Variants in CFAP47 observed in about 807,000 individuals in gnomAD.
CFAP47 encodes the protein cilia and flagella associated protein 47, also known as cilia- and flagella-associated protein 47.
Under a neutral mutation model 148.1 loss-of-function variants are expected in CFAP47, and 29 were observed. The ratio of observed to expected loss-of-function variants is 0.20; its 90% CI spans 0.15 to 0.27. The LOEUF is 0.27. CFAP47 is among the 10% of genes least tolerant of loss of function. The pLI is 1.00. For missense variants in CFAP47, 1,872 were observed against 1,697.5 expected (o/e 1.10, Z -1.81); for synonymous variants, 664 against 577.3 (o/e 1.15, Z -2.15).
At chrX:36,065,957 T>C (rs1020033094) in intron 27 of CFAP47, among the ~76,000 whole-genome samples, 1 of 112,323 alleles carries the variant, frequency 8.9e-6, no homozygotes, top group Admixed American at 9.4e-5. Flanking sequence ...AAAGACAATA[T>C]AGCAGAAACA....
intron 29 of CFAP47, among the ~76,000 whole-genome samples, chrX:36,082,591 T>A (rs1237968585): frequency 9.0e-6 from 1 of 111,368 alleles, no homozygotes; most frequent in Non-Finnish European, 1.9e-5. Context: ...TTGCAGTACA[T>A]GTAGGTGCTG....
chrX:36,340,147 T>G (rs948423833), intron 57 of CFAP47, among the ~76,000 whole-genome samples: 2 of 111,782 alleles, frequency 1.8e-5, no homozygotes, highest in African/African-American at 6.5e-5. Context: ...TTCTCACTAT[T>G]CAGTAGATAC....
chrX:36,369,245 CA>C (rs1174351954), intron 62 of CFAP47, among the ~76,000 whole-genome samples: 5 of 110,295 alleles, frequency 4.5e-5, no homozygotes, highest in Admixed American at 9.8e-5. Context: ...AAAACACATT[CA>C]AAATATAAAA....
At chrX:36,177,941 T>A (rs1939705449) in intron 39 of CFAP47, among the ~76,000 whole-genome samples, 1 of 111,786 alleles carries the variant, frequency 8.9e-6, no homozygotes, top group Non-Finnish European at 1.9e-5. Context: ...TAGGTGCCCA[T>A]CAATGGTGGA....
At chrX:36,214,424 T>C (rs1161599333) in intron 45 of CFAP47, among the ~76,000 whole-genome samples, 1 of 111,184 alleles carries the variant, frequency 9.0e-6, no homozygotes, top group Admixed American at 9.6e-5. Context: ...ACACTGATAC[T>C]TAGGCTACAC....
At chrX:35,984,577 A>G (rs950172385) in intron 15 of CFAP47, among the ~76,000 whole-genome samples, 5 of 111,308 alleles carry the variant, frequency 4.5e-5, no homozygotes, top group African/African-American at 9.8e-5. Context: ...TAAGTTTTCA[A>G]TGTGGGTGTT....
intron 10 of CFAP47, among the ~76,000 whole-genome samples, chrX:35,969,926 A>G (rs1304472956): frequency 1.8e-5 from 2 of 110,376 alleles, no homozygotes; most frequent in Admixed American, 9.7e-5. Flanking sequence ...CTTTTTTTTC[A>G]TTATACTTTA....
chrX:35,953,984 G>A (rs1936206899), intron 7 of CFAP47, among the ~76,000 whole-genome samples: 1 of 110,227 alleles, frequency 9.1e-6, no homozygotes, highest in African/African-American at 3.3e-5. Flanking sequence ...TAGGGTTTAA[G>A]GAATAAGAAA....
chrX:36,323,096 C>A (rs1469185441), intron 57 of CFAP47, among the ~76,000 whole-genome samples: 3 of 110,788 alleles, frequency 2.7e-5, no homozygotes, highest in Non-Finnish European at 5.7e-5. Flanking sequence ...CCTACATTAA[C>A]ATAGAACATT....
intron 46 of CFAP47, among the ~76,000 whole-genome samples, chrX:36,232,734 T>A (rs2085891975): frequency 1.8e-5 from 2 of 112,186 alleles, no homozygotes; most frequent in South Asian, 7.4e-4. Context: ...TCTTTCCTGC[T>A]TTCTCTTGTG....
intron 49 of CFAP47, among the ~76,000 whole-genome samples, chrX:36,266,526 G>A (rs914480706): frequency 6.4e-5 from 7 of 110,200 alleles, no homozygotes; most frequent in Admixed American, 1.9e-4. Flanking sequence ...TGGTGATGCC[G>A]CAGCTGATTG....
In CFAP47 at chrX:36,015,844, G is replaced by C. The variant is rs193067229; in HGVS notation, c.3556+932G>C. On this transcript the variant is annotated intron_variant, in intron 22 of 63. Coordinates refer to ENST00000378653, the MANE Select transcript of CFAP47 (RefSeq NM_001304548.2). The stretch of plus-strand genomic sequence containing the variant: ...TTGTTAAAGAAAATTGGAAAATGTA[G>C]AAGCAAAAATATCTGAAATTCAAAT... Among the ~76,000 whole-genome samples the C allele has an allele frequency of 2.9e-4, 32 of 111,707 alleles. No homozygotes were observed. In the East Asian group the frequency reaches 7.3e-3, roughly 25 times the overall value.
rs191245565 is a variant in CFAP47, at chrX:36,333,584, C to T, written c.8443+14277C>T. Reference sequence around the variant, plus strand: ...GCTCCAACACTATATTTCTTAAAATCCTTGTTGACGTCAATATCCACATAG... The same window carrying T: ...GCTCCAACACTATATTTCTTAAAATTCTTGTTGACGTCAATATCCACATAG... On this transcript the variant is annotated intron_variant, in intron 57 of 63. Transcript: ENST00000378653. Among the ~76,000 whole-genome samples the T allele has an allele frequency of 2.0e-3, 218 of 111,585 alleles. 1 individual carries two copies. The highest frequency in any genetic ancestry group is 6.4e-3 in the African/African-American group (198 of 30,760).
chrX:36,205,049 T>C lies in CFAP47; in HGVS notation c.6756T>C (p.Pro2252=). 3.4e-6 allele frequency: 1 copy of C among 297,296 alleles called. No homozygotes were observed. The highest frequency in any genetic ancestry group is 4.8e-5 in the East Asian group (1 of 21,000). 24.5% of individuals were successfully genotyped at this position (297,296 alleles called of 1,213,427 possible). ...EVSLPKYFYI[P]EKISIPWIPE... ...GCCTTCCAAAGTATTTTTATATCCC[T>C]GAGAAAATCTCCATTCCTTGGATTC... Residue 2252 remains proline, a synonymous_variant, in exon 45 of 64, where the codon CCT becomes CCC. Coordinates refer to ENST00000378653, the MANE Select transcript of CFAP47 (RefSeq NM_001304548.2).
intron 15 of CFAP47, 141 bp from the exon 16 acceptor site, chrX:35,989,177 AT>A: frequency 2.1e-6 from 1 of 475,014 alleles, no homozygotes; most frequent in South Asian, 3.4e-5. Flanking sequence ...CTCACTTAGC[AT>A]TTTTCTGTTT....
At chrX:35,959,997 T>TA (rs1387064614) in intron 8 of CFAP47, among the ~76,000 whole-genome samples, 1 of 110,591 alleles carries the variant, frequency 9.0e-6, no homozygotes, top group East Asian at 2.8e-4. Flanking sequence ...GTCACATATA[T>TA]AAAAAAACCA....
intron 21 of CFAP47, among the ~76,000 whole-genome samples, chrX:36,002,459 G>C (rs1449944973): frequency 9.0e-6 from 1 of 111,122 alleles, no homozygotes; most frequent in African/African-American, 3.3e-5. Context: ...GCAGGCGCCT[G>C]TAATCCCAGC....
chrX:35,988,085 C>G (rs754323045), intron 15 of CFAP47, among the ~76,000 whole-genome samples: 21 of 111,651 alleles, frequency 1.9e-4, no homozygotes, highest in Admixed American at 8.5e-4. Flanking sequence ...AATTTGTGCT[C>G]TTTTAACCAC....
At chrX:36,264,142 A>G (rs1556000688) in intron 49 of CFAP47, among the ~76,000 whole-genome samples, 1 of 111,480 alleles carries the variant, frequency 9.0e-6, no homozygotes, top group Non-Finnish European at 1.9e-5. Context: ...AAAATGCAAG[A>G]CAAAGTACTC....
Sources: gnomAD v4.1 joint callset for allele counts (sites outside exome capture counted in the v4.1 genomes callset) on GRCh38, gnomAD v4.1.1 for gene constraint, MANE v1.5 for transcripts, NCBI Gene and HGNC (gene_info 2026-07-23, HGNC 2026-07-21) for gene names.